Variants in SORCS1 observed in about 807,000 individuals in gnomAD.
SORCS1 encodes sortilin related VPS10 domain containing receptor 1.
Under a neutral mutation model 146.1 loss-of-function variants are expected in SORCS1, and 60 were observed. The observed-to-expected ratio is 0.41, with a 90% CI of 0.33 to 0.51. SORCS1 has a LOEUF of 0.51. Ranked by LOEUF, SORCS1 falls within the 20% of genes least tolerant of loss-of-function variation. The pLI, the probability that SORCS1 is intolerant of heterozygous loss-of-function variation, is 0.21. For synonymous variants in SORCS1, 637 were observed against 584.0 expected, an observed-to-expected ratio of 1.09 and a Z score of -1.31; for missense variants, 1,352 against 1,487.6, an observed-to-expected ratio of 0.91 and a Z score of 1.50.
rs1954151529 is a variant in SORCS1, at chr10:106,943,416, C to T, written c.626+13097G>A. Among the ~76,000 whole-genome samples the T allele has an allele frequency of 5.9e-5, 9 of 152,170 alleles. No homozygotes were observed. The South Asian group carries it at 1.9e-3, about 32-fold the overall frequency. On this transcript the variant is annotated intron_variant, in intron 2 of 25. Transcript: ENST00000263054. ...ATGCCTTCCAAATATGTCTTCACAT[C>T]AGTCCTTCTGCCTGGACTCCAAGGC...
chr10:106,642,031 A>G (rs962444899), intron 18 of SORCS1, among the ~76,000 whole-genome samples: 1 of 152,208 alleles, frequency 6.6e-6, no homozygotes, highest in African/African-American at 2.4e-5. Flanking sequence ...ATAAATAAAT[A>G]CAAACATCTA....
chr10:106,828,077 C>A (rs1948376748), intron 3 of SORCS1, among the ~76,000 whole-genome samples: 1 of 152,202 alleles, frequency 6.6e-6, no homozygotes. Context: ...TTCATATAAT[C>A]CTTACAACTT....
intron 2 of SORCS1, among the ~76,000 whole-genome samples, chr10:106,894,286 T>C (rs535713460): frequency 3.3e-5 from 5 of 150,512 alleles, no homozygotes; most frequent in African/African-American, 1.2e-4. Flanking sequence ...TGTGTGTGTG[T>C]GTGTGTGTGT....
At chr10:106,930,489 G>T (rs1229679852) in intron 2 of SORCS1, among the ~76,000 whole-genome samples, 1 of 152,090 alleles carries the variant, frequency 6.6e-6, no homozygotes, top group Non-Finnish European at 1.5e-5. Flanking sequence ...GCTTCATTTT[G>T]CTACTGGGAT....
chr10:107,178,799 T>C, the SORCS1 span, among the ~76,000 whole-genome samples: 1 of 152,078 alleles, frequency 6.6e-6, no homozygotes, highest in Non-Finnish European at 1.5e-5. Context: ...TGATTCTTTT[T>C]TTATGGCTGA....
At chr10:106,584,684 GA>G (rs1845118711) in intron 24 of SORCS1, among the ~76,000 whole-genome samples, 1 of 152,180 alleles carries the variant, frequency 6.6e-6, no homozygotes, top group South Asian at 2.1e-4. Flanking sequence ...ACTGATTAAT[GA>G]ATCATTGTTT....
At position 106,709,259 on chromosome 10, in the gene SORCS1, G is replaced by C. The variant is rs1225221774; in HGVS notation, c.1107C>G (p.Asp369Glu). 1 of 1,613,702 alleles carries C rather than the reference G, an allele frequency of 6.2e-7. No homozygotes were observed. Among genetic ancestry groups the C allele is most frequent in the Admixed American group, 1.7e-5 (1 of 59,998 alleles). The change falls in exon 7 of 26, where the codon GAC becomes GAG. Residue 369 changes from aspartate to glutamate, a missense_variant. By Grantham distance (45) the Asp-to-Glu change is conservative (BLOSUM62 2). This residue lies in a region of SORCS1 where 490 missense variants were observed against 489.1 expected (regional missense o/e 1.00). Coordinates refer to ENST00000263054, the MANE Select transcript of SORCS1 (RefSeq NM_052918.5). ...CATAATGATCCTGAACAATCAAAGA[G>C]TCTGGGTCAATGTAGCCTGGAAAAG... ...NQPFPGYIDP[D>E]SLIVQDHYVF...
rs530819650 is a variant in SORCS1 at position 106,942,885 on chromosome 10, C to T, written c.626+13628G>A. Reference sequence around the variant, plus strand: ...CTGATTTCTCCCTGGGAAATGTAAACATGGCCAGGTTTGTTCTCACTTAAA... The same window carrying T: ...CTGATTTCTCCCTGGGAAATGTAAATATGGCCAGGTTTGTTCTCACTTAAA... On this transcript the variant is annotated intron_variant, in intron 2 of 25. Coordinates refer to ENST00000263054, the MANE Select transcript of SORCS1 (RefSeq NM_052918.5). 3.9e-5 allele frequency among the ~76,000 whole-genome samples: 6 copies of T among 152,292 alleles called. No individual in the cohort carries two copies. In the South Asian group the frequency reaches 1.2e-3, roughly 32 times the overall value.
chr10:107,010,031 A>G lies in SORCS1; in HGVS notation c.559-53451T>C, dbSNP rs1957627559. Among the ~76,000 whole-genome samples, 5 of 152,238 alleles carry G rather than the reference A, an allele frequency of 3.3e-5. No individual in the cohort carries two copies. In the South Asian group the frequency reaches 1.0e-3, roughly 32 times the overall value. ...AAAAACTTATGATGTGGAACTATGT[A>G]TGGAAGCCAGTATAGTCTCAGTTCT... On this transcript the variant is annotated intron_variant, in intron 1 of 25. Transcript: ENST00000263054.
chr10:106,626,802 A>G (rs1377412195), intron 19 of SORCS1, among the ~76,000 whole-genome samples: 1 of 152,250 alleles, frequency 6.6e-6, no homozygotes, highest in African/African-American at 2.4e-5. Flanking sequence ...TATGTGAGTT[A>G]GCAAACAGCT....
chr10:106,974,839 T>C (rs1039706502), intron 1 of SORCS1, among the ~76,000 whole-genome samples: 23 of 152,222 alleles, frequency 1.5e-4, no homozygotes, highest in Admixed American at 1.4e-3. Context: ...TCCAAGGTTT[T>C]GTTAAGGGCG....
intron 1 of SORCS1, among the ~76,000 whole-genome samples, chr10:107,097,087 C>T (rs1372903443): frequency 6.6e-6 from 1 of 152,176 alleles, no homozygotes; most frequent in African/African-American, 2.4e-5. Context: ...TTCACTTTTA[C>T]CATGTCCAAT....
chr10:106,715,230 CATTA>C (rs1358049164), intron 6 of SORCS1, among the ~76,000 whole-genome samples: 1 of 152,204 alleles, frequency 6.6e-6, no homozygotes, highest in African/African-American at 2.4e-5. Flanking sequence ...TGTAATTTGG[CATTA>C]ATTAATGTCA....
intron 17 of SORCS1, among the ~76,000 whole-genome samples, chr10:106,658,322 A>C (rs938066369): frequency 1.3e-5 from 2 of 151,990 alleles, no homozygotes; most frequent in African/African-American, 4.8e-5. Context: ...CTTAAAAAAA[A>C]AAAAATCAGC....
intron 1 of SORCS1, among the ~76,000 whole-genome samples, chr10:107,103,819 T>A (rs1183012200): frequency 6.6e-6 from 1 of 152,194 alleles, no homozygotes; most frequent in South Asian, 2.1e-4. Flanking sequence ...TTCTCCTTCA[T>A]GTAAAACTCA....
chr10:106,599,488 T>G (rs1846107555), intron 23 of SORCS1, among the ~76,000 whole-genome samples: 1 of 152,188 alleles, frequency 6.6e-6, no homozygotes, highest in African/African-American at 2.4e-5. Flanking sequence ...TCTTATCTTT[T>G]AATTGGCAGA....
At chr10:106,700,586 C>A (rs1033623123) in intron 8 of SORCS1, among the ~76,000 whole-genome samples, 4 of 152,198 alleles carry the variant, frequency 2.6e-5, no homozygotes, top group Non-Finnish European at 4.4e-5. Context: ...GGAAATCTGA[C>A]AATCTTCCTG....
intron 1 of SORCS1, among the ~76,000 whole-genome samples, chr10:106,988,544 C>CTT (rs916507577): frequency 6.8e-6 from 1 of 146,958 alleles, no homozygotes; most frequent in Non-Finnish European, 1.5e-5. Flanking sequence ...AATATTCTTA[C>CTT]TTTTTTTTTT....
At chr10:106,622,032 C>G (rs1355978065) in intron 19 of SORCS1, among the ~76,000 whole-genome samples, 1 of 152,056 alleles carries the variant, frequency 6.6e-6, no homozygotes. Flanking sequence ...TGGCTCATGC[C>G]TGTAATCCCG....
Sources: allele counts gnomAD v4.1 joint callset (sites outside exome capture counted in the v4.1 genomes callset), GRCh38; gene constraint gnomAD v4.1.1; regional missense constraint gnomAD v4.1.1; transcripts MANE v1.5; gene names NCBI Gene and HGNC (gene_info 2026-07-23, HGNC 2026-07-21).